Variants in EIF5A observed in about 807,000 individuals in gnomAD.
The protein encoded by EIF5A is eukaryotic translation initiation factor 5A-1.
EIF5A carries 1 observed loss-of-function variant against 16.6 expected under a neutral mutation model. The ratio of observed to expected loss-of-function variants is 0.06; its 90% CI spans 0.02 to 0.28. The LOEUF (loss-of-function observed/expected upper bound fraction) is 0.28. Among genes scored for constraint, EIF5A ranks in the 10% least tolerant of loss-of-function variants. EIF5A has a pLI of 1.00. For synonymous variants in EIF5A, 80 were observed against 73.6 expected (o/e 1.09, Z -0.44); for missense variants, 29 against 196.1 (o/e 0.15, Z 5.09).
intron 2 of EIF5A, chr17:7,310,264 C>T (rs1004038415): frequency 1.6e-6 from 2 of 1,288,942 alleles, no homozygotes; most frequent in Non-Finnish European, 2.0e-6. Context: ...TTCCCCAGTT[C>T]TAGCTTTCCC....
intron 2 of EIF5A, 47 bp downstream of exon 2, chr17:7,309,847 C>CT: frequency 6.2e-7 from 1 of 1,614,106 alleles, no homozygotes. Flanking sequence ...CCTCCAGTAT[C>CT]TTTGGCGCTC....
chr17:7,311,417 G>A lies in EIF5A; in HGVS notation c.338G>A (p.Arg113His). Residue 113 changes from arginine (R) to histidine (H), a missense_variant, in exon 4 of 6, where the codon CGT becomes CAT. Arg to His is a conservative substitution (Grantham distance 29). Transcript: ENST00000336458. ...AGCGGGGAGGTACGAGAGGACCTTC[G>A]TCTCCCTGAGGGAGACCTTGGCAAG... ...QDSGEVREDLRLPEGDLGKEI... is the reference protein window; with the variant it reads ...QDSGEVREDLHLPEGDLGKEI... The A allele has an allele frequency of 6.2e-7, 1 of 1,614,092 alleles. No individual in the cohort carries two copies. The highest frequency in any genetic ancestry group is 8.5e-7 in the Non-Finnish European group (1 of 1,180,024).
intron 2 of EIF5A, chr17:7,310,350 G>T: frequency 2.4e-5 from 30 of 1,227,832 alleles, no homozygotes; most frequent in Non-Finnish European, 3.1e-5. Context: ...GAGCCTCCAT[G>T]CTTTCATGGG....
Position 7,311,583 on chromosome 17 carries a change from G to T in EIF5A, c.408G>T (p.Thr136=), listed in dbSNP as rs376228893. The change falls in exon 5 of 6, where the codon ACG becomes ACT. Residue 136 remains threonine (T), a synonymous_variant. Transcript: ENST00000336458. ...KYDCGEEILI[T]VLSAMTEEAA... is the part of the protein sequence containing the mutation. ...TATCCCTCTTGCTTCTCCAGATCAC[G>T]GTGCTGTCTGCCATGACAGAGGAGG... 1 of 1,614,158 alleles carries T rather than the reference G, an allele frequency of 6.2e-7. No individual in the cohort carries two copies. The highest frequency in any genetic ancestry group is 8.5e-7 in the Non-Finnish European group (1 of 1,180,030).
In EIF5A at chr17:7,308,527, A is replaced by G. The variant is rs751653846; in HGVS notation, c.-22+775A>G. ...AGCGCTTCCCAACCTCAAGGGCCCC[A>G]GGAGCTTTCCTGAAAAACCCTCCTG... is the stretch of plus-strand genomic sequence containing the variant. On this transcript the variant is annotated intron_variant, in intron 1 of 5. Coordinates refer to ENST00000336458, the MANE Select transcript of EIF5A (RefSeq NM_001970.5). 81 of 1,351,578 alleles carry G rather than the reference A, an allele frequency of 6.0e-5. 2 individuals carry two copies. In the South Asian group the frequency reaches 9.0e-4, roughly 15 times the overall value. The allele number at this position is 1,351,578 out of a possible 1,614,324, so 83.7% of individuals were successfully genotyped here. A position where few individuals can be genotyped will look rare whatever the true frequency, so the allele number is the denominator to read the frequency against.
intron 1 of EIF5A, chr17:7,308,712 C>T (rs905544853): frequency 1.1e-5 from 7 of 626,638 alleles, no homozygotes; most frequent in Admixed American, 6.8e-5. Flanking sequence ...CCGTGATAGG[C>T]GTTCTTCACC....
At chr17:7,308,589 C>CT (rs773921572) in intron 1 of EIF5A, 1 of 1,350,476 alleles carries the variant, frequency 7.4e-7, no homozygotes, top group Non-Finnish European at 9.8e-7. Flanking sequence ...AGTGGCACCC[C>CT]TTCGAGCTGG....
At chr17:7,308,703 C>T in intron 1 of EIF5A, 3 of 692,252 alleles carry the variant, frequency 4.3e-6, no homozygotes, top group South Asian at 1.7e-5. Flanking sequence ...AGTTTCCCAC[C>T]GTGATAGGCG....
chr17:7,308,153 G>GT, intron 1 of EIF5A: 1 of 754,390 alleles, frequency 1.3e-6, no homozygotes, highest in Non-Finnish European at 1.7e-6. Flanking sequence ...CATGATGGGG[G>GT]GGGTTGGCGG....
At position 7,311,838 on chromosome 17, in the gene EIF5A, G is replaced by A; in HGVS notation, c.*28G>A. On this transcript the variant is annotated 3_prime_UTR_variant, in exon 6 of 6. Transcript: ENST00000336458. ...CCTACCTAGGGTGGCGGTGGTGGCA[G>A]CAGTGATCCTCTGAACCTGCAGAGG... 1.2e-6 allele frequency: 1 copy of A among 829,984 alleles called. No individual in the cohort carries two copies. The highest frequency in any genetic ancestry group is 1.9e-6 in the Non-Finnish European group (1 of 522,990). 51.4% of individuals were successfully genotyped at this position (829,984 alleles called of 1,614,324 possible).
chr17:7,307,399 T>G, upstream of EIF5A: 1 of 1,167,560 alleles, frequency 8.6e-7, no homozygotes, highest in Non-Finnish European at 1.1e-6. Context: ...TTGAAGAGAT[T>G]AAAAAACCGG....
chr17:7,307,470 G>A, upstream of EIF5A: 1 of 1,015,792 alleles, frequency 9.8e-7, no homozygotes, highest in Non-Finnish European at 1.2e-6. Context: ...GCGGGGTCAC[G>A]TATGCGCGTC....
At chr17:7,310,479 C>G (rs745591324) in intron 2 of EIF5A, 2 of 1,172,310 alleles carry the variant, frequency 1.7e-6, no homozygotes, top group Non-Finnish European at 1.1e-6. Context: ...TCAGTTTTTC[C>G]ATCTTTTGAC....
chr17:7,310,315 C>T, intron 2 of EIF5A: 1 of 1,273,188 alleles, frequency 7.9e-7, no homozygotes, highest in Non-Finnish European at 1.0e-6. Flanking sequence ...CCTACCTGCC[C>T]CATCCCACTC....
rs1048536424 is a variant in EIF5A at position 7,310,644 on chromosome 17, A to T, written c.166-374A>T. ...CTTAGTTTCTTATCCTTTCCCTTCTACCTTCCTTATTCCCCAGTTTCTCAG... is the reference window on the plus strand; with the variant it reads ...CTTAGTTTCTTATCCTTTCCCTTCTTCCTTCCTTATTCCCCAGTTTCTCAG... On this transcript the variant is annotated intron_variant, in intron 2 of 5. Coordinates refer to ENST00000336458, the MANE Select transcript of EIF5A (RefSeq NM_001970.5). 5.2e-5 allele frequency: 51 copies of T among 984,660 alleles called. No individual in the cohort carries two copies. The African/African-American group carries it at 8.1e-4, about 16-fold the overall frequency. The allele number at this position is 984,660 out of a possible 1,614,324, so 61.0% of individuals were successfully genotyped here. A position where few individuals can be genotyped will look rare whatever the true frequency, so the allele number is the denominator to read the frequency against.
At chr17:7,311,255 T>G in intron 3 of EIF5A, 95 bp from the exon 4 acceptor site, 1 of 1,598,336 alleles carries the variant, frequency 6.3e-7, no homozygotes, top group Non-Finnish European at 8.5e-7. Flanking sequence ...TTGGTATTAG[T>G]TTGCTATCAG....
In EIF5A at chr17:7,311,906, T is replaced by G; in HGVS notation, c.*96T>G. 2 of 592,550 alleles carry G rather than the reference T, an allele frequency of 3.4e-6. No individual in the cohort carries two copies. Among genetic ancestry groups the G allele is most frequent in the Non-Finnish European group, 6.2e-6 (2 of 325,116 alleles). 36.7% of individuals were successfully genotyped at this position (592,550 alleles called of 1,614,324 possible). Reference sequence around the variant, plus strand: ...GCCTGGCTCTGGCCCGGTCCTAAGCTGGACTCCTCCTACACAATTTATTTG... The same window carrying G: ...GCCTGGCTCTGGCCCGGTCCTAAGCGGGACTCCTCCTACACAATTTATTTG... On this transcript the variant is annotated 3_prime_UTR_variant, in exon 6 of 6. Transcript: ENST00000336458.
chr17:7,309,413 C>T (rs1417754649), intron 1 of EIF5A, among the ~76,000 whole-genome samples: 2 of 152,162 alleles, frequency 1.3e-5, no homozygotes, highest in African/African-American at 2.4e-5. Context: ...GGGGAGAAAC[C>T]AGCTATTCCA....
chr17:7,311,743 C>T, intron 5 of EIF5A, 79 bp from the exon 6 acceptor site: 9 of 1,514,324 alleles, frequency 5.9e-6, no homozygotes, highest in Non-Finnish European at 8.1e-6. Flanking sequence ...TTACTTTCTG[C>T]CCCTAGCCTG....
Sources: gnomAD v4.1 joint callset for allele counts (sites outside exome capture counted in the v4.1 genomes callset) on GRCh38, gnomAD v4.1.1 for gene constraint, MANE v1.5 for transcripts, NCBI Gene and HGNC (gene_info 2026-07-23, HGNC 2026-07-21) for gene names.